Variants in RBFOX1 observed in about 807,000 individuals in gnomAD.
RBFOX1 encodes the protein RNA binding protein fox-1 homolog 1.
A neutral mutation model predicts 57.7 loss-of-function variants in RBFOX1; 8 were observed. That is an observed-to-expected ratio of 0.14 (90% CI 0.08 to 0.25). RBFOX1 has a LOEUF of 0.25. RBFOX1 is among the 10% of genes least tolerant of loss of function. RBFOX1 has a pLI of 1.00. For synonymous variants in RBFOX1, 326 were observed against 222.4 expected, an observed-to-expected ratio of 1.47 and a Z score of -4.15; for missense variants, 611 against 548.5, an observed-to-expected ratio of 1.11 and a Z score of -1.14.
intron 3 of RBFOX1, among the ~76,000 whole-genome samples, chr16:6,780,286 CATATATATATTTATACAT>C (rs1335742657): frequency 1.0e-4 from 5 of 49,234 alleles, no homozygotes; most frequent in African/African-American, 4.6e-4. Flanking sequence ...TATATTTATA[CATATATATATTTATACAT>C]ATATATATTT....
chr16:6,502,147 T>G lies in RBFOX1; in HGVS notation c.-63-152456T>G, dbSNP rs140383047. Among the ~76,000 whole-genome samples, 485 of 152,250 alleles carry G rather than the reference T, an allele frequency of 3.2e-3. 5 individuals carry two copies. Among genetic ancestry groups the G allele is most frequent in the African/African-American group, 0.011 (446 of 41,560 alleles). On this transcript the variant is annotated intron_variant, in intron 2 of 15. Transcript: ENST00000550418. ...AATTCCTTCAGTGTCCCTTCAGGCATTGGCTTTAGCTAGTAGGAGGATGTA... is the reference window on the plus strand; with the variant it reads ...AATTCCTTCAGTGTCCCTTCAGGCAGTGGCTTTAGCTAGTAGGAGGATGTA...
chr16:6,551,844 T>C (rs2153878839), intron 2 of RBFOX1, among the ~76,000 whole-genome samples: 1 of 152,310 alleles, frequency 6.6e-6, no homozygotes, highest in South Asian at 2.1e-4. Context: ...CCAAGGTGGT[T>C]CTTCTCTCTC....
At chr16:5,385,174 C>T (rs182074943) in intron 1 of RBFOX1, among the ~76,000 whole-genome samples, 438 of 152,264 alleles carry the variant, frequency 2.9e-3, no homozygotes, top group Middle Eastern at 0.017. Context: ...CTTTTTTTCT[C>T]ATTCAGTTCT....
chr16:7,624,913 T>A (rs1332168013), intron 10 of RBFOX1, among the ~76,000 whole-genome samples: 1 of 152,044 alleles, frequency 6.6e-6, no homozygotes, highest in Non-Finnish European at 1.5e-5. Context: ...GTGGAGTGGT[T>A]TTAAGGAGCG....
intron 4 of RBFOX1, among the ~76,000 whole-genome samples, chr16:7,380,268 G>T (rs566251064): frequency 6.6e-6 from 1 of 152,066 alleles, no homozygotes; most frequent in East Asian, 1.9e-4. Flanking sequence ...ACATAGAATC[G>T]TATAAAATAA....
chr16:7,270,114 C>T (rs1018206252), intron 4 of RBFOX1, among the ~76,000 whole-genome samples: 2 of 152,182 alleles, frequency 1.3e-5, no homozygotes, highest in African/African-American at 2.4e-5. Context: ...TAATACTTCT[C>T]GTTGAGAGGT....
intron 3 of RBFOX1, among the ~76,000 whole-genome samples, chr16:5,831,399 C>G (rs1396661290): frequency 6.6e-6 from 1 of 152,080 alleles, no homozygotes; most frequent in Non-Finnish European, 1.5e-5. Context: ...AAAAGCTCCC[C>G]TGGGCCTACG....
chr16:7,219,075 C>T (rs1042475342), intron 4 of RBFOX1, among the ~76,000 whole-genome samples: 1 of 152,128 alleles, frequency 6.6e-6, no homozygotes, highest in African/African-American at 2.4e-5. Context: ...GTGGAGTTGG[C>T]CACCAGCAGT....
intron 13 of RBFOX1, among the ~76,000 whole-genome samples, chr16:7,674,105 T>C (rs377143186): frequency 1.3e-5 from 2 of 152,232 alleles, no homozygotes; most frequent in East Asian, 1.9e-4. Context: ...ACAGTGTATG[T>C]ACACATACAC....
intron 3 of RBFOX1, among the ~76,000 whole-genome samples, chr16:6,740,876 A>C (rs555337272): frequency 1.3e-5 from 2 of 152,338 alleles, no homozygotes; most frequent in South Asian, 4.1e-4. Context: ...GATTATCTCA[A>C]AATTTGAATA....
chr16:7,009,935 T>C (rs1368075150), intron 3 of RBFOX1, among the ~76,000 whole-genome samples: 1 of 152,218 alleles, frequency 6.6e-6, no homozygotes, highest in African/African-American at 2.4e-5. Flanking sequence ...TCTTTTGCCA[T>C]TGGCTACAAG....
At chr16:5,610,554 C>T (rs1161134849) in intron 3 of RBFOX1, 1 of 152,146 alleles carries the variant, frequency 6.6e-6, no homozygotes, top group African/African-American at 2.4e-5. Flanking sequence ...AGGCTGGGCA[C>T]AGTGGCTTAT....
At chr16:6,580,935 T>C (rs938081673) in intron 2 of RBFOX1, among the ~76,000 whole-genome samples, 2 of 151,288 alleles carry the variant, frequency 1.3e-5, no homozygotes, top group African/African-American at 2.4e-5. Flanking sequence ...GCCCTTTTTT[T>C]CCCCCAAAAT....
At chr16:6,600,274 C>G (rs1338410322) in intron 2 of RBFOX1, among the ~76,000 whole-genome samples, 2 of 152,058 alleles carry the variant, frequency 1.3e-5, no homozygotes, top group African/African-American at 4.8e-5. Flanking sequence ...GTTCTCAGTC[C>G]TCCCCTACCT....
In RBFOX1 at chr16:5,950,189, C is replaced by G. The variant is rs183125923; in HGVS notation, c.351+82854C>G. 6.7e-3 allele frequency among the ~76,000 whole-genome samples: 1,019 copies of G among 152,330 alleles called. 9 individuals are homozygous for G. Among genetic ancestry groups the G allele is most frequent in the Non-Finnish European group, 0.011 (725 of 68,030 alleles). On this transcript the variant is annotated intron_variant, in intron 4 of 19. Transcript: ENST00000641259. ...AGTGAAAAATAAAAGTGTGAGGCCT[C>G]TTGTTAAAAAATGACACGGACTTTC...
At chr16:5,314,267 A>G (rs949919021) in intron 1 of RBFOX1, among the ~76,000 whole-genome samples, 3 of 152,220 alleles carry the variant, frequency 2.0e-5, no homozygotes, top group Non-Finnish European at 4.4e-5. Flanking sequence ...GACCCAACAG[A>G]TAACCAGCCT....
intron 4 of RBFOX1, among the ~76,000 whole-genome samples, chr16:7,310,570 A>C (rs574473220): frequency 1.3e-5 from 2 of 152,242 alleles, no homozygotes; most frequent in Non-Finnish European, 2.9e-5. Flanking sequence ...GTCATGGTCC[A>C]GTATTTCTCA....
intron 1 of RBFOX1, among the ~76,000 whole-genome samples, chr16:6,241,417 C>T (rs577364868): frequency 6.6e-6 from 1 of 151,982 alleles, no homozygotes; most frequent in East Asian, 1.9e-4. Flanking sequence ...AATAAATTGT[C>T]AAAAATAATA....
chr16:6,793,657 A>G (rs1451195003), intron 3 of RBFOX1, among the ~76,000 whole-genome samples: 1 of 152,228 alleles, frequency 6.6e-6, no homozygotes, highest in East Asian at 1.9e-4. Context: ...GAGCCAAAGT[A>G]TTATAACTTG....
Sources: allele counts gnomAD v4.1 joint callset (sites outside exome capture counted in the v4.1 genomes callset), GRCh38; gene constraint gnomAD v4.1.1; transcripts MANE v1.5; gene names NCBI Gene and HGNC (gene_info 2026-07-23, HGNC 2026-07-21).